RGS20: variants seen among roughly 807,000 people sequenced by gnomAD.
RGS20 encodes the protein gz-selective GTPase-activating protein.
In RGS20, 30 loss-of-function variants were observed where a neutral mutation model predicts 33.6. The ratio of observed to expected loss-of-function variants is 0.89; its 90% CI spans 0.67 to 1.21. The LOEUF (loss-of-function observed/expected upper bound fraction) is 1.21, where lower values mean the gene tolerates loss of function less well. Among genes scored for constraint, RGS20 ranks in the 50% most tolerant of loss-of-function variants. The pLI is 0.00. For missense variants in RGS20, 472 were observed against 502.4 expected (o/e 0.94, Z 0.58); for synonymous variants, 208 against 197.9 (o/e 1.05, Z -0.43).
chr8:53,858,484 A>C (rs1811732371), intron 1 of RGS20, among the ~76,000 whole-genome samples: 2 of 151,876 alleles, frequency 1.3e-5, no homozygotes, highest in Non-Finnish European at 2.9e-5. Context: ...ATGCATATAT[A>C]TATACATATA....
Position 53,879,488 on chromosome 8 carries a change from G to A in RGS20, c.396G>A (p.Gly132=). The change falls in exon 2 of 6, where the codon GGG becomes GGA. Residue 132 remains glycine, a synonymous_variant. Coordinates refer to ENST00000297313, the MANE Select transcript of RGS20 (RefSeq NM_170587.4). ...CGGGCCGCCTCTCGCTCCTGCTCGG[G>A]GCGGCGCTGGCACTGCCCGGCCGAC... The A allele has an allele frequency of 1.9e-6, 3 of 1,562,550 alleles. No individual in the cohort carries two copies. Among genetic ancestry groups the A allele is most frequent in the Non-Finnish European group, 2.6e-6 (3 of 1,157,320 alleles).
chr8:53,923,209 G>A (rs1392183623), intron 2 of RGS20, among the ~76,000 whole-genome samples: 1 of 152,106 alleles, frequency 6.6e-6, no homozygotes, highest in Non-Finnish European at 1.5e-5. Context: ...TGGGATTACA[G>A]GCGTGAGCCA....
chr8:53,932,914 T>A (rs541781570), intron 2 of RGS20, among the ~76,000 whole-genome samples: 8 of 152,192 alleles, frequency 5.3e-5, no homozygotes, highest in Admixed American at 3.3e-4. Context: ...GGATGAAGCT[T>A]CCAGAGGAAG....
At chr8:53,922,463 A>G (rs1355641800) in intron 2 of RGS20, among the ~76,000 whole-genome samples, 2 of 152,034 alleles carry the variant, frequency 1.3e-5, no homozygotes, top group African/African-American at 4.8e-5. Flanking sequence ...GGCAATCTCT[A>G]TCTTTTGATT....
At chr8:53,909,466 G>C (rs1471787358) in intron 2 of RGS20, among the ~76,000 whole-genome samples, 1 of 151,458 alleles carries the variant, frequency 6.6e-6, no homozygotes, top group Non-Finnish European at 1.5e-5. Flanking sequence ...ACCCAGGCTG[G>C]TCTCAAACTC....
intron 2 of RGS20, among the ~76,000 whole-genome samples, chr8:53,904,096 G>T (rs1050680546): frequency 2.0e-5 from 3 of 151,616 alleles, no homozygotes; most frequent in African/African-American, 7.3e-5. Context: ...ACAAGAAGGG[G>T]TAGCTTTGTC....
chr8:53,881,181 T>A, intron 2 of RGS20, 97 bp downstream of exon 1: 1 of 903,944 alleles, frequency 1.1e-6, no homozygotes, highest in Non-Finnish European at 1.6e-6. Flanking sequence ...GGCGCGCCGC[T>A]CGTCCGGACC....
intron 2 of RGS20, among the ~76,000 whole-genome samples, chr8:53,898,427 C>T: frequency 6.6e-6 from 1 of 152,126 alleles, no homozygotes; most frequent in East Asian, 1.9e-4. Flanking sequence ...AAGAAACTGG[C>T]CTCCTCCTAA....
chr8:53,908,563 C>T (rs930355024), intron 2 of RGS20, among the ~76,000 whole-genome samples: 2 of 152,018 alleles, frequency 1.3e-5, no homozygotes, highest in African/African-American at 4.8e-5. Flanking sequence ...TCTCTTCAAC[C>T]TGGGAGGCAG....
rs750860185 is a variant in RGS20, at chr8:53,880,979, T to G, written c.510+1377T>G. ...ATCGCCGACGTAGAGAGGGCAGCCCTCCGCGCTGCAATATTGAGAAGGCAC... is the reference window on the plus strand; with the variant it reads ...ATCGCCGACGTAGAGAGGGCAGCCCGCCGCGCTGCAATATTGAGAAGGCAC... On this transcript the variant is annotated intron_variant, in intron 2 of 5. Coordinates refer to ENST00000297313, the MANE Select transcript of RGS20 (RefSeq NM_170587.4). The G allele has an allele frequency of 2.9e-5, 46 of 1,588,214 alleles. 1 individual carries two copies. The highest frequency in any genetic ancestry group is 3.4e-4 in the Middle Eastern group (2 of 5,804).
intron 1 of RGS20, among the ~76,000 whole-genome samples, chr8:53,862,286 C>T (rs934822759): frequency 6.6e-6 from 1 of 152,174 alleles, no homozygotes; most frequent in Non-Finnish European, 1.5e-5. Flanking sequence ...TACATCACTC[C>T]TGCTCATGAA....
intron 2 of RGS20, among the ~76,000 whole-genome samples, chr8:53,924,888 C>A (rs1480895202): frequency 1.3e-5 from 2 of 152,208 alleles, no homozygotes; most frequent in African/African-American, 4.8e-5. Flanking sequence ...CCACATCTAG[C>A]CTCAGCAGAG....
chr8:53,906,204 G>A (rs1013377320), intron 2 of RGS20, among the ~76,000 whole-genome samples: 1 of 151,816 alleles, frequency 6.6e-6, no homozygotes, highest in African/African-American at 2.4e-5. Context: ...TCACGACCTC[G>A]TCCCTACTAA....
intron 2 of RGS20, among the ~76,000 whole-genome samples, chr8:53,915,122 G>A (rs1813449568): frequency 6.7e-6 from 1 of 149,928 alleles, no homozygotes; most frequent in Admixed American, 6.7e-5. Context: ...TCCAGCCTGG[G>A]CAACGGAGTG....
At chr8:53,892,072 G>A (rs1812725165) in intron 2 of RGS20, among the ~76,000 whole-genome samples, 1 of 152,004 alleles carries the variant, frequency 6.6e-6, no homozygotes. Flanking sequence ...CCCGGAGTGT[G>A]ATGTTCCCCT....
At chr8:53,873,045 G>A (rs971499120) in intron 1 of RGS20, among the ~76,000 whole-genome samples, 6 of 152,088 alleles carry the variant, frequency 3.9e-5, no homozygotes, top group African/African-American at 9.7e-5. Flanking sequence ...CAAATCCCTC[G>A]TGGCTGGGTG....
At position 53,888,832 on chromosome 8, in the gene RGS20, TG is replaced by T. The variant is rs1812620349; in HGVS notation, c.510+9231del. Among the ~76,000 whole-genome samples the T allele has an allele frequency of 2.0e-5, 3 of 152,374 alleles. No individual in the cohort carries two copies. The East Asian group carries it at 5.8e-4, about 29-fold the overall frequency. On this transcript the variant is annotated intron_variant, in intron 2 of 5. Transcript: ENST00000297313. ...ATGTAATTAAACAGTGTATAATATT[TG>T]CATCTGGTTCTTTAGCTCAGCATTA...
intron 2 of RGS20, among the ~76,000 whole-genome samples, chr8:53,881,702 T>A (rs987280655): frequency 6.6e-6 from 1 of 152,134 alleles, no homozygotes; most frequent in African/African-American, 2.4e-5. Context: ...ACTCGGAGCC[T>A]CTGTTCACGC....
intron 3 of RGS20, among the ~76,000 whole-genome samples, chr8:53,945,740 A>G (rs1419338589): frequency 6.6e-6 from 1 of 152,068 alleles, no homozygotes; most frequent in Non-Finnish European, 1.5e-5. Flanking sequence ...ACATGGTGAA[A>G]CCAAATACAA....
Sources: gnomAD v4.1 joint callset for allele counts (sites outside exome capture counted in the v4.1 genomes callset) on GRCh38, gnomAD v4.1.1 for gene constraint, MANE v1.5 for transcripts, NCBI Gene and HGNC (gene_info 2026-07-23, HGNC 2026-07-21) for gene names.